RBFOX3: variants seen among roughly 807,000 people sequenced by gnomAD.
The protein encoded by RBFOX3 is RNA binding protein fox-1 homolog 3.
RBFOX3 carries 17 observed loss-of-function variants against 48.7 expected under a neutral mutation model. The ratio of observed to expected loss-of-function variants is 0.35; its 90% CI spans 0.24 to 0.52. RBFOX3 has a LOEUF of 0.52. Ranked by LOEUF, RBFOX3 falls within the 20% of genes least tolerant of loss-of-function variation. The pLI is 0.94. For synonymous variants in RBFOX3, 212 were observed against 209.5 expected (o/e 1.01, Z -0.10); for missense variants, 382 against 497.5 (o/e 0.77, Z 2.21).
the RBFOX3 span, among the ~76,000 whole-genome samples, chr17:79,655,658 A>C: frequency 6.6e-6 from 1 of 152,178 alleles, no homozygotes; most frequent in African/African-American, 2.4e-5. Context: ...GTGAGAATGA[A>C]GTACAGCTCC....
At chr17:79,104,047 A>AT in intron 7 of RBFOX3, 26 bp downstream of exon 7, 1 of 1,545,066 alleles carries the variant, frequency 6.5e-7, no homozygotes, top group Non-Finnish European at 8.8e-7. Context: ...CGGCGCTGTA[A>AT]GGCGGCAGCT....
chr17:79,403,387 G>A (rs1391859505), intron 2 of RBFOX3, among the ~76,000 whole-genome samples: 2 of 152,210 alleles, frequency 1.3e-5, no homozygotes, highest in Admixed American at 6.5e-5. Context: ...CAGCTCCCAT[G>A]GGGGGTTCAG....
rs2078706639 is a variant in RBFOX3 at position 79,481,068 on chromosome 17, A to G, written c.-175+1386T>C. Among the ~76,000 whole-genome samples, 1 of 152,196 alleles carries G rather than the reference A, an allele frequency of 6.6e-6. No individual in the cohort carries two copies. The highest frequency in any genetic ancestry group is 6.5e-5 in the Admixed American group (1 of 15,278). On this transcript the variant is annotated intron_variant, in intron 2 of 14. Coordinates refer to ENST00000693108, the MANE Select transcript of RBFOX3 (RefSeq NM_001350451.2). The surrounding 1 kb of genome is among the most constrained non-coding windows in gnomAD (Gnocchi z 5.4). Reference sequence around the variant, plus strand: ...GAGAAGAGCACCCATGGCCTTCACCAGAGAGAAGCAAGCAGTGCACGCCTG... The same window carrying G: ...GAGAAGAGCACCCATGGCCTTCACCGGAGAGAAGCAAGCAGTGCACGCCTG...
At chr17:79,260,370 G>A (rs951287991) in intron 3 of RBFOX3, among the ~76,000 whole-genome samples, 4 of 152,212 alleles carry the variant, frequency 2.6e-5, no homozygotes, top group African/African-American at 4.8e-5. Context: ...TGCCCCACAC[G>A]TTCTGGGCCC....
intron 4 of RBFOX3, among the ~76,000 whole-genome samples, chr17:79,142,676 CGGGGGTGCA>C (rs1312734502): frequency 1.3e-5 from 2 of 152,094 alleles, no homozygotes; most frequent in Non-Finnish European, 2.9e-5. Context: ...TGGGGGGTGC[CGGGGGTGCA>C]CCTGGGCTCC....
intron 2 of RBFOX3, among the ~76,000 whole-genome samples, chr17:79,472,860 A>G (rs1173873488): frequency 2.6e-5 from 4 of 152,226 alleles, no homozygotes; most frequent in African/African-American, 9.7e-5. Context: ...TCTGTGGTGA[A>G]GGATTCATTG....
Position 79,390,540 on chromosome 17 carries a change from C to T in RBFOX3, c.-174-82716G>A, listed in dbSNP as rs958579792. On this transcript the variant is annotated intron_variant, in intron 2 of 14. Coordinates refer to ENST00000693108, the MANE Select transcript of RBFOX3 (RefSeq NM_001350451.2). This position sits in a 1 kb window ranked among gnomAD's most constrained non-coding sequence, Gnocchi z 4.2. ...TCGCCCAGGCTGGAGTGCAGTGGCA[C>T]AATCTCGGCTCACTACAACGTCTGC... is the stretch of plus-strand genomic sequence containing the variant. 1.3e-5 allele frequency among the ~76,000 whole-genome samples: 2 copies of T among 150,860 alleles called. No individual in the cohort carries two copies. Among genetic ancestry groups the T allele is most frequent in the African/African-American group, 4.9e-5 (2 of 40,938 alleles).
At chr17:79,313,104 T>C (rs945520350) in intron 2 of RBFOX3, among the ~76,000 whole-genome samples, 2 of 152,218 alleles carry the variant, frequency 1.3e-5, no homozygotes, top group Non-Finnish European at 2.9e-5. Flanking sequence ...TACATTGCTC[T>C]TGCTCTCACT....
At chr17:79,245,629 AT>A (rs10577875) in intron 3 of RBFOX3, among the ~76,000 whole-genome samples, 9,354 of 130,198 alleles carry the variant, frequency 0.072, 471 homozygotes, top group African/African-American at 0.17. Context: ...GAACATTTGG[AT>A]TTTTTTTTTT....
chr17:79,562,666 C>T (rs913149296), intron 1 of RBFOX3, among the ~76,000 whole-genome samples: 2 of 152,164 alleles, frequency 1.3e-5, no homozygotes, highest in East Asian at 1.9e-4. Context: ...GCTGCCGCTT[C>T]GGTGTCTGGG....
intron 2 of RBFOX3, among the ~76,000 whole-genome samples, chr17:79,447,782 G>A (rs919251165): frequency 1.3e-5 from 2 of 152,170 alleles, no homozygotes; most frequent in African/African-American, 4.8e-5. Flanking sequence ...GCTGAGGGGC[G>A]GCCAGGGTGA....
intron 4 of RBFOX3, among the ~76,000 whole-genome samples, chr17:79,216,873 C>T (rs574997244): frequency 7.4e-4 from 112 of 152,272 alleles, no homozygotes; most frequent in African/African-American, 2.6e-3. Context: ...CTGAGGAACA[C>T]GAGTCCCCTG....
Position 79,340,215 on chromosome 17 carries a change from C to T in RBFOX3, c.-174-32391G>A, listed in dbSNP as rs558774918. 3.3e-5 allele frequency among the ~76,000 whole-genome samples: 5 copies of T among 151,102 alleles called. No homozygotes were observed. In the East Asian group the frequency reaches 9.7e-4, roughly 29 times the overall value. On this transcript the variant is annotated intron_variant, in intron 2 of 14. Transcript: ENST00000693108. ...TTGGGAGGCTGAGGCAGGAGGATTG[C>T]TTGAACCCGGGAGGTGGAGGTTGCA... is the stretch of plus-strand genomic sequence containing the variant.
chr17:79,382,239 A>T (rs1304826031), intron 2 of RBFOX3, among the ~76,000 whole-genome samples: 1 of 152,060 alleles, frequency 6.6e-6, no homozygotes, highest in Non-Finnish European at 1.5e-5. Flanking sequence ...GGCACCAGGC[A>T]CTCGTTCATC....
At chr17:79,550,695 AGATGGATGAGTGGATGGAAG>A (rs1266499467) in intron 1 of RBFOX3, among the ~76,000 whole-genome samples, 1 of 152,036 alleles carries the variant, frequency 6.6e-6, no homozygotes, top group Non-Finnish European at 1.5e-5. Flanking sequence ...GTGGATGGGT[AGATGGATGAGTGGATGGAAG>A]GATGGATGAG....
chr17:79,131,291 T>C (rs970168760), intron 4 of RBFOX3, among the ~76,000 whole-genome samples: 15 of 151,732 alleles, frequency 9.9e-5, no homozygotes, highest in African/African-American at 3.4e-4. Context: ...CCGTGTGTAT[T>C]CCATGTGCCC....
At position 79,479,783 on chromosome 17, in the gene RBFOX3, G is replaced by C. The variant is rs1447229186; in HGVS notation, c.-175+2671C>G. ...GGGCCCCGCAACCTCCTTCTTGGAG[G>C]CAGCAGGAAGTGGCATTTTCAGAGG... On this transcript the variant is annotated intron_variant, in intron 2 of 14. Coordinates refer to ENST00000693108, the MANE Select transcript of RBFOX3 (RefSeq NM_001350451.2). This position sits in a 1 kb window ranked among gnomAD's most constrained non-coding sequence, Gnocchi z 5.1. 6.6e-6 allele frequency among the ~76,000 whole-genome samples: 1 copy of C among 152,208 alleles called. No homozygotes were observed. The highest frequency in any genetic ancestry group is 1.9e-4 in the East Asian group (1 of 5,186).
intron 4 of RBFOX3, among the ~76,000 whole-genome samples, chr17:79,210,226 A>T (rs531761105): frequency 3.3e-5 from 5 of 152,026 alleles, no homozygotes; most frequent in Admixed American, 6.6e-5. Flanking sequence ...TCAAGGAGGG[A>T]GGCTATTCTT....
In RBFOX3 at chr17:79,453,020, C is replaced by T. The variant is rs111887365; in HGVS notation, c.-175+29434G>A. Among the ~76,000 whole-genome samples, 775 of 152,324 alleles carry T rather than the reference C, an allele frequency of 5.1e-3. 10 individuals carry two copies. Among genetic ancestry groups the T allele is most frequent in the African/African-American group, 0.017 (725 of 41,586 alleles). The stretch of plus-strand genomic sequence containing the variant: ...TTCATCTCTCCAGGTCTCGGTTTAC[C>T]CATCTGTGGAATGGGGGTGATCGCA... On this transcript the variant is annotated intron_variant, in intron 2 of 14. Coordinates refer to ENST00000693108, the MANE Select transcript of RBFOX3 (RefSeq NM_001350451.2).
Sources: allele counts gnomAD v4.1 joint callset (sites outside exome capture counted in the v4.1 genomes callset), GRCh38; gene constraint gnomAD v4.1.1; non-coding constraint Gnocchi (gnomAD v3.1); transcripts MANE v1.5; gene names NCBI Gene and HGNC (gene_info 2026-07-23, HGNC 2026-07-21).